Variants in AFAP1L2 observed in about 807,000 individuals in gnomAD.
The protein encoded by AFAP1L2 is actin filament associated protein 1 like 2.
Under a neutral mutation model 99.3 loss-of-function variants are expected in AFAP1L2, and 46 were observed. The observed-to-expected ratio is 0.46, with a 90% confidence interval of 0.37 to 0.59. The LOEUF (loss-of-function observed/expected upper bound fraction) is 0.59. Ranked by LOEUF, AFAP1L2 falls within the 20% of genes least tolerant of loss-of-function variation. The pLI, the probability that AFAP1L2 is intolerant of heterozygous loss-of-function variation, is 0.00. For missense variants in AFAP1L2, 959 were observed against 1,034.9 expected, an observed-to-expected ratio of 0.93 and a Z score of 1.01; for synonymous variants, 397 against 419.1, an observed-to-expected ratio of 0.95 and a Z score of 0.64.
intron 16 of AFAP1L2, among the ~76,000 whole-genome samples, chr10:114,298,176 G>A (rs1054814904): frequency 1.3e-5 from 2 of 152,132 alleles, no homozygotes; most frequent in African/African-American, 4.8e-5. Context: ...CCAGGAGTTC[G>A]AGACCATCCT....
At chr10:114,340,503 T>C (rs2048659874) in intron 2 of AFAP1L2, 100 bp downstream of exon 2, 1 of 1,441,758 alleles carries the variant, frequency 6.9e-7, no homozygotes, top group Non-Finnish European at 9.4e-7. Context: ...GTGTCATTTA[T>C]AGCACCCAGC....
intron 2 of AFAP1L2, among the ~76,000 whole-genome samples, chr10:114,335,486 G>A (rs1435815059): frequency 5.9e-5 from 9 of 151,788 alleles, no homozygotes; most frequent in African/African-American, 1.2e-4. Flanking sequence ...AGTGGTGGGC[G>A]CCTGTAGTCC....
chr10:114,319,545 C>A lies in AFAP1L2; in HGVS notation c.406+3626G>T, dbSNP rs756447557. On this transcript the variant is annotated intron_variant, in intron 5 of 18. Coordinates refer to ENST00000304129, the MANE Select transcript of AFAP1L2 (RefSeq NM_001001936.3). The stretch of plus-strand genomic sequence containing the variant: ...GGCAAGAATCACTGGCATTCCAGCT[C>A]GGGGAGTAAGCAGTACCCAAGGTGA... 2.1e-5 allele frequency: 27 copies of A among 1,288,280 alleles called. 1 individual carries two copies. The South Asian group carries it at 3.3e-4, about 16-fold the overall frequency. 79.8% of individuals were successfully genotyped at this position (1,288,280 alleles called of 1,614,324 possible). A position where few individuals can be genotyped will look rare whatever the true frequency, so the allele number is the denominator to read the frequency against.
At chr10:114,310,026 C>T (rs1488053802) in intron 8 of AFAP1L2, among the ~76,000 whole-genome samples, 1 of 152,176 alleles carries the variant, frequency 6.6e-6, no homozygotes, top group Non-Finnish European at 1.5e-5. Context: ...CTCCTGGGTT[C>T]AAGTGATTCT....
chr10:114,282,003 C>T, the AFAP1L2 span, among the ~76,000 whole-genome samples: 1 of 148,268 alleles, frequency 6.7e-6, no homozygotes, highest in Non-Finnish European at 1.5e-5. Flanking sequence ...AATGTGATAG[C>T]CAGCTTATGT....
intron 1 of AFAP1L2, among the ~76,000 whole-genome samples, chr10:114,355,136 C>T (rs912097072): frequency 3.9e-5 from 6 of 152,280 alleles, no homozygotes; most frequent in South Asian, 2.1e-4. Flanking sequence ...CCAACAAACA[C>T]CGAGGGGTAT....
chr10:114,398,960 G>A, intron 1 of AFAP1L2: 2 of 1,273,438 alleles, frequency 1.6e-6, no homozygotes, highest in Non-Finnish European at 2.1e-6. Context: ...GCCACTGTGG[G>A]CTTTCATCTC....
chr10:114,283,674 G>C, the AFAP1L2 span, among the ~76,000 whole-genome samples: 9 of 152,164 alleles, frequency 5.9e-5, no homozygotes, highest in Admixed American at 4.6e-4. Flanking sequence ...GGTTTTTATA[G>C]TTCCTACCTA....
At chr10:114,327,048 T>G (rs544739551) in intron 4 of AFAP1L2, among the ~76,000 whole-genome samples, 194 of 148,842 alleles carry the variant, frequency 1.3e-3, no homozygotes, top group African/African-American at 4.5e-3. Flanking sequence ...TTATCAGAGC[T>G]TCAAGGAGAC....
At chr10:114,297,126 G>A in intron 17 of AFAP1L2, 26 bp from the exon 18 acceptor site, 1 of 1,613,482 alleles carries the variant, frequency 6.2e-7, no homozygotes, top group Non-Finnish European at 8.5e-7. Context: ...GAGAGCAAGG[G>A]CTGAGTCAAG....
intron 5 of AFAP1L2, among the ~76,000 whole-genome samples, chr10:114,317,193 G>A (rs992080830): frequency 3.4e-4 from 16 of 47,002 alleles, no homozygotes; most frequent in African/African-American, 7.9e-4. Flanking sequence ...ATTTGAAACA[G>A]AATATAGAAA....
intron 1 of AFAP1L2, among the ~76,000 whole-genome samples, chr10:114,341,182 C>T (rs1400966248): frequency 2.0e-5 from 3 of 152,240 alleles, no homozygotes; most frequent in Non-Finnish European, 4.4e-5. Context: ...GCTTTGGGCC[C>T]ATTTACTTCT....
intron 1 of AFAP1L2, 28 bp downstream of exon 1, chr10:114,404,412 G>A (rs1474540901): frequency 9.7e-6 from 15 of 1,539,290 alleles, no homozygotes; most frequent in Non-Finnish European, 1.3e-5. Context: ...GAGTGGGTGT[G>A]CGCCGCGCGA....
intron 1 of AFAP1L2, among the ~76,000 whole-genome samples, chr10:114,383,302 A>G (rs549617308): frequency 5.1e-4 from 77 of 152,170 alleles, no homozygotes; most frequent in Admixed American, 4.2e-3. Flanking sequence ...GGAAAGGAGC[A>G]GGCAAAAAAC....
chr10:114,359,838 T>C (rs995692134), intron 1 of AFAP1L2, among the ~76,000 whole-genome samples: 1 of 152,122 alleles, frequency 6.6e-6, no homozygotes, highest in African/African-American at 2.4e-5. Context: ...AAACATCCCA[T>C]CTTAAGGGCT....
At chr10:114,330,596 G>A (rs1186438487) in intron 4 of AFAP1L2, among the ~76,000 whole-genome samples, 2 of 152,182 alleles carry the variant, frequency 1.3e-5, no homozygotes, top group Admixed American at 6.5e-5. Flanking sequence ...CCCATCTGAC[G>A]AGACAGATGT....
intron 1 of AFAP1L2, among the ~76,000 whole-genome samples, chr10:114,379,590 A>AT (rs1317342731): frequency 6.6e-6 from 1 of 152,132 alleles, no homozygotes; most frequent in Non-Finnish European, 1.5e-5. Flanking sequence ...ACAGATGAAC[A>AT]TTTTTTTCCT....
At chr10:114,321,472 G>A (rs956434423) in intron 5 of AFAP1L2, among the ~76,000 whole-genome samples, 5 of 152,134 alleles carry the variant, frequency 3.3e-5, no homozygotes, top group Admixed American at 6.5e-5. Flanking sequence ...TCTGTGGTGT[G>A]TATGTACCAC....
At chr10:114,302,712 T>G (rs186027298) in intron 11 of AFAP1L2, among the ~76,000 whole-genome samples, 2 of 152,336 alleles carry the variant, frequency 1.3e-5, no homozygotes, top group African/African-American at 4.8e-5. Flanking sequence ...AATAATGCTG[T>G]GGACTTTTGT....
Sources: allele counts gnomAD v4.1 joint callset (sites outside exome capture counted in the v4.1 genomes callset), GRCh38; gene constraint gnomAD v4.1.1; transcripts MANE v1.5; gene names NCBI Gene and HGNC (gene_info 2026-07-23, HGNC 2026-07-21).